TIMMDC1: variants seen among roughly 807,000 people sequenced by gnomAD.
The protein encoded by TIMMDC1 is complex I assembly factor TIMMDC1, mitochondrial.
TIMMDC1 carries 25 observed loss-of-function variants against 32.6 expected under a neutral mutation model. The ratio of observed to expected loss-of-function variants is 0.77; its 90% CI spans 0.56 to 1.07. The LOEUF (loss-of-function observed/expected upper bound fraction) is 1.07. Ranked by LOEUF, TIMMDC1 falls within the 50% of genes least tolerant of loss-of-function variation. The pLI, the probability that TIMMDC1 is intolerant of heterozygous loss-of-function variation, is 0.00. For missense variants in TIMMDC1, 329 were observed against 349.2 expected (o/e 0.94, Z 0.46); for synonymous variants, 130 against 127.6 (o/e 1.02, Z -0.13).
rs1446896784 is a variant in TIMMDC1, at chr3:119,504,015, G to T, written c.511G>T (p.Ala171Ser). 1 of 1,610,998 alleles carries T rather than the reference G, an allele frequency of 6.2e-7. No homozygotes were observed. Among genetic ancestry groups the T allele is most frequent in the Non-Finnish European group, 8.5e-7 (1 of 1,177,426 alleles). The change falls in exon 4 of 7, where the codon GCA becomes TCA. Residue 171 changes from alanine (A) to serine (S), a missense_variant. By Grantham distance (99) the Ala-to-Ser change is moderately conservative. Coordinates refer to ENST00000494664, the MANE Select transcript of TIMMDC1 (RefSeq NM_016589.4). ...NKDALSHFVI[A>S]GAVTGSLFRI... ...AGATGCCTTAAGCCATTTTGTAATT[G>T]CAGGAGGTAAGACATTTTTGTTTAT... is the stretch of plus-strand genomic sequence containing the variant.
At position 119,523,633 on chromosome 3, in the gene TIMMDC1, C is replaced by T. The variant is rs377670385; in HGVS notation, c.735C>T (p.His245=). The T allele has an allele frequency of 6.2e-7, 1 of 1,610,414 alleles. No individual in the cohort carries two copies. Among genetic ancestry groups the T allele is most frequent in the African/African-American group, 1.3e-5 (1 of 74,724 alleles). ...EWKGRLQVTE[H]LPEKIESSLQ... ...AAGGCAGACTACAAGTTACTGAGCA[C>T]CTCCCTGAGAAAATTGAAAGTAGTT... The change falls in exon 7 of 7, where the codon CAC becomes CAT. Residue 245 remains histidine (H), a synonymous_variant. Coordinates refer to ENST00000494664, the MANE Select transcript of TIMMDC1 (RefSeq NM_016589.4).
At chr3:119,502,691 T>C (rs1487184503) in intron 2 of TIMMDC1, among the ~76,000 whole-genome samples, 1 of 151,674 alleles carries the variant, frequency 6.6e-6, no homozygotes, top group Non-Finnish European at 1.5e-5. Flanking sequence ...TCCGAGTAGC[T>C]AGGACTGCAA....
intron 6 of TIMMDC1, among the ~76,000 whole-genome samples, chr3:119,517,733 C>T (rs1010614844): frequency 2.0e-5 from 3 of 152,094 alleles, no homozygotes; most frequent in Admixed American, 2.0e-4. Context: ...TTTGGGAGGC[C>T]AAGACAGGTG....
chr3:119,513,719 G>C lies in TIMMDC1; in HGVS notation c.596G>C (p.Gly199Ala), dbSNP rs772027404. 15 of 1,596,000 alleles carry C rather than the reference G, an allele frequency of 9.4e-6. No individual in the cohort carries two copies. Among genetic ancestry groups the C allele is most frequent in the Non-Finnish European group, 1.3e-5 (15 of 1,173,124 alleles). ...GGTGGCATAATTGGAGCCTTGCTGG[G>C]GTAAGCATTAACATGGTTTGGTTCT... ...VAGGIIGALLGTPVGGLLMAF... is the reference protein window; with the variant it reads ...VAGGIIGALLATPVGGLLMAF... Residue 199 changes from glycine to alanine, a missense_variant and splice_region_variant, in exon 5 of 7, where the codon GGC becomes GCC. Transcript: ENST00000494664.
intron 1 of TIMMDC1, 132 bp downstream of exon 1, chr3:119,499,059 T>G (rs138820805): frequency 2.9e-6 from 2 of 698,676 alleles, no homozygotes; most frequent in Non-Finnish European, 4.8e-6. Context: ...GAGGTTCTGA[T>G]ATTTGTAACC....
At chr3:119,521,536 G>A (rs1353370868) in intron 6 of TIMMDC1, among the ~76,000 whole-genome samples, 1 of 144,100 alleles carries the variant, frequency 6.9e-6, no homozygotes, top group Admixed American at 6.6e-5. Context: ...GACAGCATGA[G>A]ACAAAAGAAA....
chr3:119,502,098 T>A (rs2081880617), intron 2 of TIMMDC1, among the ~76,000 whole-genome samples: 1 of 152,244 alleles, frequency 6.6e-6, no homozygotes, highest in Non-Finnish European at 1.5e-5. Flanking sequence ...CCTTTGAGAC[T>A]ATGTAAATAT....
intron 2 of TIMMDC1, among the ~76,000 whole-genome samples, chr3:119,501,593 T>C (rs1310744414): frequency 1.3e-5 from 2 of 152,220 alleles, no homozygotes; most frequent in African/African-American, 4.8e-5. Context: ...TACTATTATC[T>C]TATTTAAAGA....
intron 4 of TIMMDC1, among the ~76,000 whole-genome samples, chr3:119,511,249 G>A (rs1009012797): frequency 2.0e-5 from 3 of 151,948 alleles, no homozygotes; most frequent in Admixed American, 6.6e-5. Context: ...AAGCTGAGGC[G>A]GGTGGATCAC....
intron 5 of TIMMDC1, 70 bp from the exon 6 acceptor site, chr3:119,517,135 C>A (rs2107734007): frequency 1.1e-6 from 1 of 918,022 alleles, no homozygotes; most frequent in Admixed American, 1.8e-5. Context: ...CACACCTTAG[C>A]AGAGAATCTC....
rs867141297 is a variant in TIMMDC1 at position 119,513,732 on chromosome 3, A to G, written c.596+13A>G. 1 of 1,572,810 alleles carries G rather than the reference A, an allele frequency of 6.4e-7. No homozygotes were observed. Among genetic ancestry groups the G allele is most frequent in the Admixed American group, 2.0e-5 (1 of 50,472 alleles). On this transcript the variant is annotated intron_variant, in intron 5 of 6. Coordinates refer to ENST00000494664, the MANE Select transcript of TIMMDC1 (RefSeq NM_016589.4). Reference sequence around the variant, plus strand: ...GAGCCTTGCTGGGGTAAGCATTAACATGGTTTGGTTCTAAATTGGCACAAT... The same window carrying G: ...GAGCCTTGCTGGGGTAAGCATTAACGTGGTTTGGTTCTAAATTGGCACAAT...
intron 4 of TIMMDC1, among the ~76,000 whole-genome samples, chr3:119,506,014 C>A (rs923277158): frequency 6.6e-6 from 1 of 152,038 alleles, no homozygotes; most frequent in Non-Finnish European, 1.5e-5. Context: ...CTTTCATCAC[C>A]CAAGTATTAA....
At chr3:119,503,643 GAT>G in intron 3 of TIMMDC1, 23 bp downstream of exon 3, 1 of 1,559,338 alleles carries the variant, frequency 6.4e-7, no homozygotes, top group Non-Finnish European at 8.7e-7. Flanking sequence ...TGAATTGTGA[GAT>G]AGTGAATTTT....
chr3:119,522,818 GT>G (rs1354033201), intron 6 of TIMMDC1, among the ~76,000 whole-genome samples: 7 of 124,028 alleles, frequency 5.6e-5, no homozygotes, highest in South Asian at 2.2e-4. Flanking sequence ...GTGTGTGTGT[GT>G]GTGTGTGTGT....
chr3:119,502,657 C>A (rs907567723), intron 2 of TIMMDC1, among the ~76,000 whole-genome samples: 1 of 152,008 alleles, frequency 6.6e-6, no homozygotes, highest in Non-Finnish European at 1.5e-5. Context: ...CTTCTGGACT[C>A]AAGGTTTCCT....
intron 4 of TIMMDC1, among the ~76,000 whole-genome samples, chr3:119,513,300 G>C (rs549698924): frequency 8.4e-4 from 127 of 151,638 alleles, no homozygotes; most frequent in African/African-American, 3.0e-3. Flanking sequence ...AAGGTTTTTT[G>C]CTTTTTTATT....
At chr3:119,514,056 A>T (rs1467635102) in intron 5 of TIMMDC1, among the ~76,000 whole-genome samples, 1 of 152,232 alleles carries the variant, frequency 6.6e-6, no homozygotes, top group East Asian at 1.9e-4. Context: ...TATAGTTCGA[A>T]CACAGGTATT....
chr3:119,509,922 G>C (rs2081942618), intron 4 of TIMMDC1, among the ~76,000 whole-genome samples: 1 of 152,020 alleles, frequency 6.6e-6, no homozygotes, highest in African/African-American at 2.4e-5. Context: ...CTGACCTCGT[G>C]ATCCGCCCGC....
At chr3:119,506,057 AAAC>A (rs942190345) in intron 4 of TIMMDC1, among the ~76,000 whole-genome samples, 2 of 152,236 alleles carry the variant, frequency 1.3e-5, no homozygotes, top group African/African-American at 4.8e-5. Flanking sequence ...CCTGATCCTC[AAAC>A]AACATTTTAA....
Sources: gnomAD v4.1 joint callset for allele counts (sites outside exome capture counted in the v4.1 genomes callset) on GRCh38, gnomAD v4.1.1 for gene constraint, MANE v1.5 for transcripts, NCBI Gene and HGNC (gene_info 2026-07-23, HGNC 2026-07-21) for gene names.